Variants in SIL1 observed in about 807,000 individuals in gnomAD.
SIL1 encodes the protein nucleotide exchange factor SIL1.
A neutral mutation model predicts 49.1 loss-of-function variants in SIL1; 40 were observed. The observed-to-expected ratio is 0.81, with a 90% confidence interval of 0.63 to 1.06. The LOEUF (loss-of-function observed/expected upper bound fraction) is 1.06, where lower values mean the gene tolerates loss of function less well. Among genes scored for constraint, SIL1 ranks in the 50% least tolerant of loss-of-function variants. The pLI is 0.00. For synonymous variants in SIL1, 253 were observed against 250.8 expected, an observed-to-expected ratio of 1.01 and a Z score of -0.08; for missense variants, 500 against 572.6, an observed-to-expected ratio of 0.87 and a Z score of 1.29.
At chr5:139,010,355 T>C (rs1189390586) in intron 7 of SIL1, among the ~76,000 whole-genome samples, 1 of 150,118 alleles carries the variant, frequency 6.7e-6, no homozygotes, top group Non-Finnish European at 1.5e-5. Flanking sequence ...ATTCTAGTTA[T>C]ACATTCTTCT....
At chr5:139,159,199 T>C (rs181460073) in intron 1 of SIL1, among the ~76,000 whole-genome samples, 110 of 152,208 alleles carry the variant, frequency 7.2e-4, no homozygotes, top group African/African-American at 2.6e-3. Flanking sequence ...ACTGATGCCA[T>C]CCAATTCCAA....
intron 5 of SIL1, among the ~76,000 whole-genome samples, chr5:139,030,300 G>A (rs1244682808): frequency 2.6e-5 from 4 of 151,896 alleles, no homozygotes; most frequent in African/African-American, 9.7e-5. Flanking sequence ...TGAAATTAGA[G>A]AGAAGATGAA....
intron 3 of SIL1, among the ~76,000 whole-genome samples, chr5:139,058,968 GTA>G (rs1434162489): frequency 6.8e-6 from 1 of 146,236 alleles, no homozygotes; most frequent in Non-Finnish European, 1.5e-5. Context: ...CTAGAAATGT[GTA>G]TGTGTGTGTG....
At chr5:139,061,619 T>G (rs1161754413) in intron 3 of SIL1, among the ~76,000 whole-genome samples, 1 of 152,182 alleles carries the variant, frequency 6.6e-6, no homozygotes, top group Non-Finnish European at 1.5e-5. Context: ...TTCCCTAATG[T>G]GCTACATTGT....
At chr5:138,963,649 T>C (rs1312406159) in intron 7 of SIL1, among the ~76,000 whole-genome samples, 2 of 152,242 alleles carry the variant, frequency 1.3e-5, no homozygotes, top group African/African-American at 2.4e-5. Context: ...CTCAGATATT[T>C]AAGGTTCTGA....
intron 7 of SIL1, among the ~76,000 whole-genome samples, chr5:138,954,191 A>G (rs1766849806): frequency 6.6e-6 from 1 of 152,228 alleles, no homozygotes; most frequent in Admixed American, 6.5e-5. Flanking sequence ...AGTAGGAGAG[A>G]AGAGAGCTCC....
At chr5:138,980,471 C>A (rs1230449780) in intron 7 of SIL1, among the ~76,000 whole-genome samples, 1 of 152,004 alleles carries the variant, frequency 6.6e-6, no homozygotes, top group Non-Finnish European at 1.5e-5. Context: ...AAGCAGGGGT[C>A]CAAAAGAGAG....
At chr5:139,094,626 G>A (rs10055573) in intron 3 of SIL1, among the ~76,000 whole-genome samples, 3,157 of 152,262 alleles carry the variant, frequency 0.021, 120 homozygotes, top group African/African-American at 0.073. Flanking sequence ...ATAATACAGA[G>A]AGTTCCTAGA....
At chr5:139,192,682 T>C (rs946242294) in intron 1 of SIL1, among the ~76,000 whole-genome samples, 2 of 151,930 alleles carry the variant, frequency 1.3e-5, no homozygotes, top group Non-Finnish European at 2.9e-5. Flanking sequence ...ATCCAAAGAC[T>C]GGAAGAAAAT....
intron 1 of SIL1, among the ~76,000 whole-genome samples, chr5:139,134,509 A>C (rs776616558): frequency 4.0e-5 from 6 of 151,592 alleles, no homozygotes; most frequent in Non-Finnish European, 5.9e-5. Flanking sequence ...CCAGGCAACT[A>C]CTCTCCAAAG....
At chr5:138,993,741 A>G (rs1767804931) in intron 7 of SIL1, among the ~76,000 whole-genome samples, 1 of 152,220 alleles carries the variant, frequency 6.6e-6, no homozygotes, top group Non-Finnish European at 1.5e-5. Flanking sequence ...GACAGCCTGC[A>G]AAGAACTGAA....
In SIL1 at chr5:139,129,402, G is replaced by A. The variant is rs1417611409; in HGVS notation, c.-10-1549C>T. Among the ~76,000 whole-genome samples, 4 of 152,074 alleles carry A rather than the reference G, an allele frequency of 2.6e-5. No homozygotes were observed. In the East Asian group the frequency reaches 7.8e-4, roughly 29 times the overall value. Reference sequence around the variant, plus strand: ...ATCCACAAGTGTAAGAGTGAAGTTGGGGCCAGGTGTGGTGGCTCACGCCTG... The same window carrying A: ...ATCCACAAGTGTAAGAGTGAAGTTGAGGCCAGGTGTGGTGGCTCACGCCTG... On this transcript the variant is annotated intron_variant, in intron 1 of 9. Coordinates refer to ENST00000394817, the MANE Select transcript of SIL1 (RefSeq NM_022464.5).
At chr5:139,077,877 G>GGAA (rs1769986316) in intron 3 of SIL1, among the ~76,000 whole-genome samples, 1 of 152,200 alleles carries the variant, frequency 6.6e-6, no homozygotes, top group Non-Finnish European at 1.5e-5. Context: ...CCTAGGAGGA[G>GGAA]GAGATTATAG....
At chr5:139,002,995 A>G (rs1004078468) in intron 7 of SIL1, among the ~76,000 whole-genome samples, 10 of 152,178 alleles carry the variant, frequency 6.6e-5, no homozygotes, top group African/African-American at 1.9e-4. Flanking sequence ...ACTCAGGCCA[A>G]ACCTCTGAGT....
chr5:139,074,625 G>A (rs558919047), intron 3 of SIL1, among the ~76,000 whole-genome samples: 37 of 152,172 alleles, frequency 2.4e-4, no homozygotes, highest in African/African-American at 8.2e-4. Flanking sequence ...GCCCTCACCT[G>A]ACCAGCCAAT....
rs1056446619 is a variant in SIL1 at position 139,121,176 on chromosome 5, G to C, written c.106-3C>G. 6.2e-7 allele frequency: 1 copy of C among 1,613,974 alleles called. No homozygotes were observed. The highest frequency in any genetic ancestry group is 1.7e-5 in the Admixed American group (1 of 60,018). On this transcript the variant is annotated splice_polypyrimidine_tract_variant and splice_region_variant and intron_variant, in intron 2 of 9. Coordinates refer to ENST00000394817, the MANE Select transcript of SIL1 (RefSeq NM_022464.5). The stretch of plus-strand genomic sequence containing the variant: ...GGGTTGGTCAGGGCAAACTCCTTCT[G>C]AGAAAAGAAAACACAGGGCATGACC...
At chr5:138,967,490 C>T (rs1234199485) in intron 7 of SIL1, among the ~76,000 whole-genome samples, 1 of 152,182 alleles carries the variant, frequency 6.6e-6, no homozygotes, top group African/African-American at 2.4e-5. Context: ...AGGGCCACTG[C>T]CCCAAAGATG....
chr5:139,084,373 T>C (rs1407080364), intron 3 of SIL1, among the ~76,000 whole-genome samples: 12 of 122,146 alleles, frequency 9.8e-5, no homozygotes, highest in African/African-American at 3.5e-4. Context: ...AGCAAAGACT[T>C]GGAACCAACC....
At chr5:139,084,661 C>T (rs1443664289) in intron 3 of SIL1, among the ~76,000 whole-genome samples, 25 of 125,800 alleles carry the variant, frequency 2.0e-4, no homozygotes, top group South Asian at 1.5e-3. Context: ...GGAGGGATAG[C>T]ATTGGGAGAT....
Sources: gnomAD v4.1 joint callset for allele counts (sites outside exome capture counted in the v4.1 genomes callset) on GRCh38, gnomAD v4.1.1 for gene constraint, MANE v1.5 for transcripts, NCBI Gene and HGNC (gene_info 2026-07-23, HGNC 2026-07-21) for gene names.